Variants in NAV3 observed in about 807,000 individuals in gnomAD.
The protein encoded by NAV3 is pore membrane and/or filament interacting like protein 1.
Under a neutral mutation model 244.7 loss-of-function variants are expected in NAV3, and 87 were observed. The ratio of observed to expected loss-of-function variants is 0.36; its 90% CI spans 0.30 to 0.42. NAV3 has a LOEUF of 0.42. NAV3 is among the 20% of genes least tolerant of loss of function. The probability of loss-of-function intolerance (pLI) is 1.00; values close to 1 mark genes in which losing one functional copy is unlikely to be tolerated. For synonymous variants in NAV3, 1,126 were observed against 1,042.2 expected (o/e 1.08, Z -1.55); for missense variants, 2,663 against 2,893.3 (o/e 0.92, Z 1.83).
At chr12:78,030,497 C>A (rs1878795602) in intron 9 of NAV3, among the ~76,000 whole-genome samples, 1 of 152,158 alleles carries the variant, frequency 6.6e-6, no homozygotes, top group African/African-American at 2.4e-5. Context: ...GATTATTTGG[C>A]CTCTGCACTG....
chr12:78,010,055 A>G (rs1874996279), intron 8 of NAV3, among the ~76,000 whole-genome samples: 1 of 152,188 alleles, frequency 6.6e-6, no homozygotes, highest in Non-Finnish European at 1.5e-5. Flanking sequence ...TTTCTACAAT[A>G]AATAAATAAA....
intron 1 of NAV3, among the ~76,000 whole-genome samples, chr12:77,848,063 T>G (rs761289397): frequency 1.3e-5 from 2 of 152,200 alleles, no homozygotes; most frequent in Non-Finnish European, 2.9e-5. Flanking sequence ...CAGCAGACTT[T>G]TATTTACAGA....
intron 2 of NAV3, among the ~76,000 whole-genome samples, chr12:77,818,574 G>A (rs958106236): frequency 2.6e-5 from 4 of 151,962 alleles, no homozygotes; most frequent in African/African-American, 9.7e-5. Flanking sequence ...AGGGATGAGG[G>A]GTATGTGATT....
chr12:78,027,943 GTTTTT>G (rs141866599), intron 9 of NAV3, among the ~76,000 whole-genome samples: 1 of 150,850 alleles, frequency 6.6e-6, no homozygotes, highest in South Asian at 2.1e-4. Context: ...AAAAGGAAGC[GTTTTT>G]TTTTGTTTTG....
chr12:78,082,154 G>A (rs996555300), intron 12 of NAV3, among the ~76,000 whole-genome samples: 3 of 152,170 alleles, frequency 2.0e-5, no homozygotes, highest in South Asian at 2.1e-4. Flanking sequence ...GTAAGATGTG[G>A]CTTTGCTCCT....
intron 1 of NAV3, among the ~76,000 whole-genome samples, chr12:77,912,623 TTTTG>T (rs1886715390): frequency 1.3e-5 from 2 of 150,402 alleles, no homozygotes; most frequent in African/African-American, 2.4e-5. Flanking sequence ...TGTGGGGGTT[TTTTG>T]TTTGTTTGTT....
chr12:78,173,093 C>T (rs1412026813), intron 24 of NAV3, among the ~76,000 whole-genome samples: 2 of 151,396 alleles, frequency 1.3e-5, no homozygotes, highest in Admixed American at 6.6e-5. Context: ...AAAAATAGAC[C>T]TCTCCATTAA....
intron 2 of NAV3, among the ~76,000 whole-genome samples, chr12:77,804,296 T>C (rs1322709173): frequency 1.3e-5 from 2 of 152,206 alleles, no homozygotes; most frequent in Non-Finnish European, 2.9e-5. Context: ...TATGTTTAAG[T>C]CTTTAATCCA....
At chr12:77,869,021 G>T (rs543558644) in intron 1 of NAV3, among the ~76,000 whole-genome samples, 1 of 150,986 alleles carries the variant, frequency 6.6e-6, no homozygotes, top group Non-Finnish European at 1.5e-5. Flanking sequence ...GCAGTGAACC[G>T]AGATCGAGGT....
At chr12:77,860,677 G>A (rs1487151230) in intron 1 of NAV3, among the ~76,000 whole-genome samples, 2 of 151,680 alleles carry the variant, frequency 1.3e-5, no homozygotes, top group Non-Finnish European at 3.0e-5. Flanking sequence ...TTTGTTTAAT[G>A]TTTTCTGGGT....
At chr12:77,905,860 T>A (rs1885912024) in intron 1 of NAV3, among the ~76,000 whole-genome samples, 1 of 152,188 alleles carries the variant, frequency 6.6e-6, no homozygotes, top group Non-Finnish European at 1.5e-5. Flanking sequence ...TTGAGCTAAC[T>A]AGAACATTTA....
chr12:78,142,160 A>G (rs774800380), intron 20 of NAV3, among the ~76,000 whole-genome samples: 2 of 152,114 alleles, frequency 1.3e-5, no homozygotes, highest in Non-Finnish European at 2.9e-5. Context: ...AGAATGGGAT[A>G]TTCCACTTTC....
intron 1 of NAV3, among the ~76,000 whole-genome samples, chr12:77,913,351 A>G (rs1194705332): frequency 6.6e-6 from 1 of 152,056 alleles, no homozygotes; most frequent in African/African-American, 2.4e-5. Context: ...AAAAGAGTAA[A>G]TGTTAGAACT....
chr12:78,037,598 T>C (rs928994513), intron 9 of NAV3, among the ~76,000 whole-genome samples: 6 of 152,178 alleles, frequency 3.9e-5, no homozygotes, highest in African/African-American at 9.7e-5. Flanking sequence ...TAAGGTTCAT[T>C]TGGAGAAAAT....
At chr12:77,624,685 T>G (rs1871538925) in intron 2 of NAV3, among the ~76,000 whole-genome samples, 1 of 152,060 alleles carries the variant, frequency 6.6e-6, no homozygotes, top group South Asian at 2.1e-4. Context: ...GACTCCAAAG[T>G]TTATACATTT....
chr12:77,849,163 T>G (rs1216456599), intron 1 of NAV3, among the ~76,000 whole-genome samples: 1 of 152,178 alleles, frequency 6.6e-6, no homozygotes, highest in Non-Finnish European at 1.5e-5. Context: ...CTTTAAACTT[T>G]CTTTAATGAG....
intron 2 of NAV3, among the ~76,000 whole-genome samples, chr12:77,641,797 T>C (rs1314151043): frequency 6.6e-6 from 1 of 152,146 alleles, no homozygotes; most frequent in Non-Finnish European, 1.5e-5. Context: ...CAGCTGTTTG[T>C]TGAGCTGCAG....
chr12:77,754,160 C>A (rs933403925), intron 2 of NAV3, among the ~76,000 whole-genome samples: 5 of 152,068 alleles, frequency 3.3e-5, no homozygotes, highest in Non-Finnish European at 4.4e-5. Context: ...AATGAGCGAA[C>A]CTTTCTTCCA....
At chr12:77,674,553 C>T (rs1874125434) in intron 2 of NAV3, among the ~76,000 whole-genome samples, 1 of 151,988 alleles carries the variant, frequency 6.6e-6, no homozygotes, top group Admixed American at 6.6e-5. Flanking sequence ...CCACACGTGG[C>T]TCATTTTTAT....
Sources: gnomAD v4.1 joint callset for allele counts (sites outside exome capture counted in the v4.1 genomes callset) on GRCh38, gnomAD v4.1.1 for gene constraint, MANE v1.5 for transcripts, NCBI Gene and HGNC (gene_info 2026-07-23, HGNC 2026-07-21) for gene names.